ZNF208: variants seen among roughly 807,000 people sequenced by gnomAD.
The protein encoded by ZNF208 is zinc finger protein 95.
ZNF208 carries 10 observed loss-of-function variants against 12.1 expected under a neutral mutation model. The observed-to-expected ratio is 0.83, with a 90% CI of 0.51 to 1.40. The LOEUF (loss-of-function observed/expected upper bound fraction) is 1.40. Ranked by LOEUF, ZNF208 falls within the 40% of genes most tolerant of loss-of-function variation. The pLI is 0.00. For missense variants in ZNF208, 1,652 were observed against 1,485.0 expected (o/e 1.11, Z -1.85); for synonymous variants, 497 against 488.4 (o/e 1.02, Z -0.23).
intron 1 of ZNF208, among the ~76,000 whole-genome samples, chr19:22,001,914 A>G (rs1436245674): frequency 1.4e-5 from 2 of 147,374 alleles, no homozygotes; most frequent in African/African-American, 5.0e-5. Flanking sequence ...AAAAAAAAAA[A>G]AAAAAAAGAA....
At chr19:21,953,059 G>T (rs1386316793) in intron 4 of ZNF208, among the ~76,000 whole-genome samples, 1 of 152,090 alleles carries the variant, frequency 6.6e-6, no homozygotes, top group African/African-American at 2.4e-5. Context: ...CGGAAGAAAG[G>T]GTACCAGTGA....
rs1970167372 is a variant in ZNF208 at position 21,966,393 on chromosome 19, G to A, written c.*4798C>T. The A allele has an allele frequency of 6.6e-6, 1 of 152,096 alleles. No homozygotes were observed. Among genetic ancestry groups the A allele is most frequent in the African/African-American group, 2.4e-5 (1 of 41,444 alleles). 9.4% of individuals were successfully genotyped at this position (152,096 alleles called of 1,614,324 possible). ...TCTGATGCAATAATTTGCTTAGAAT[G>A]GCCTGAAGCAGAGCTGCATTCATGT... On this transcript the variant is annotated 3_prime_UTR_variant, in exon 4 of 4. Transcript: ENST00000397126.
rs376229163 is a variant in ZNF208 at position 21,941,194 on chromosome 19, C to T, written c.306-7957G>A. On this transcript the variant is annotated intron_variant, in intron 4 of 4. Coordinates refer to the ZNF208 transcript ENST00000599916. ...CTGGAGCGGCTGAGGGTGAAGCTGC[C>T]CAAACTCCTCAAAGTGGAGCAGCAA... 60 of 396,388 alleles carry T rather than the reference C, an allele frequency of 1.5e-4. No homozygotes were observed. In the South Asian group the frequency reaches 4.8e-3, roughly 32 times the overall value. The allele number at this position is 396,388 out of a possible 1,614,324, so 24.6% of individuals were successfully genotyped here. A position where few individuals can be genotyped will look rare whatever the true frequency, so the allele number is the denominator to read the frequency against.
At position 21,969,942 on chromosome 19, in the gene ZNF208, C is replaced by A. The variant is rs1252038419; in HGVS notation, c.*1249G>T. On this transcript the variant is annotated 3_prime_UTR_variant, in exon 4 of 4. Transcript: ENST00000397126. ...TTTTCCAGACAGTCTCTCTCTGTTG[C>A]CCAGGCTAGTGTAAATGCTTTCCTT... Among the ~76,000 whole-genome samples, 1 of 152,072 alleles carries A rather than the reference C, an allele frequency of 6.6e-6. No individual in the cohort carries two copies. Among genetic ancestry groups the A allele is most frequent in the African/African-American group, 2.4e-5 (1 of 41,412 alleles).
At position 21,966,309 on chromosome 19, in the gene ZNF208, T is replaced by G. The variant is rs896064072; in HGVS notation, c.*4882A>C. ...AGTGTTTATTGTTTTCATCTTTGTT[T>G]CCATGTGCGCCCAATTTTTAGCATC... On this transcript the variant is annotated 3_prime_UTR_variant, in exon 4 of 4. Transcript: ENST00000397126. The G allele has an allele frequency of 6.6e-6, 1 of 152,104 alleles. No individual in the cohort carries two copies. Among genetic ancestry groups the G allele is most frequent in the African/African-American group, 2.4e-5 (1 of 41,440 alleles). The allele number at this position is 152,104 out of a possible 1,614,324, so 9.4% of individuals were successfully genotyped here. A position where few individuals can be genotyped will look rare whatever the true frequency, so the allele number is the denominator to read the frequency against.
intron 4 of ZNF208, among the ~76,000 whole-genome samples, chr19:21,956,847 A>T (rs1969986385): frequency 2.0e-5 from 3 of 152,082 alleles, no homozygotes; most frequent in Admixed American, 1.3e-4. Flanking sequence ...CCACTGTCCA[A>T]CAAGCCCCAG....
rs781415667 is a variant in ZNF208 at position 21,972,623 on chromosome 19, G to A, written c.2411C>T (p.Pro804Leu). The A allele has an allele frequency of 6.2e-7, 1 of 1,613,092 alleles. No individual in the cohort carries two copies. Among genetic ancestry groups the A allele is most frequent in the Non-Finnish European group, 8.5e-7 (1 of 1,179,828 alleles). Residue 804 changes from proline (P) to leucine (L), a missense_variant, in exon 4 of 4, where the codon CCC (proline) becomes CTC (leucine). Physicochemically the swap from Pro to Leu is moderately conservative, Grantham distance 98. Around this residue, in one of 3 missense-constraint regions of ZNF208, gnomAD observed 1,239 missense variants for 1,086.2 expected, o/e 1.14. Transcript: ENST00000397126. ...KHKRIHTDEK[P>L]YKCEECGKTF... ...TTTGCCACATTCTTCACATTTGTAG[G>A]GTTTCTCATCAGTATGAATTCTCTT...
At chr19:21,984,292 T>A (rs1970595764) in intron 3 of ZNF208, among the ~76,000 whole-genome samples, 1 of 152,160 alleles carries the variant, frequency 6.6e-6, no homozygotes, top group Non-Finnish European at 1.5e-5. Flanking sequence ...CGGTGGCTCA[T>A]GCCTGTAATC....
rs1007091354 is a variant in ZNF208, at chr19:21,972,307, T to G, written c.2727A>C (p.Val909=). 3 of 1,613,706 alleles carry G rather than the reference T, an allele frequency of 1.9e-6. No homozygotes were observed. The highest frequency in any genetic ancestry group is 2.5e-6 in the Non-Finnish European group (3 of 1,179,892). ...TGTAGGGTTTCTCTCCAGTATGAAT[T>G]ACCTCATGTTTAGTAAGGATGGAGA... ...SMFSILTKHE[V]IHTGEKPYKC... is the part of the protein sequence containing the mutation. Residue 909 remains valine (V), a synonymous_variant, in exon 4 of 4, where the codon GTA becomes GTC. Transcript: ENST00000397126.
intron 3 of ZNF208, among the ~76,000 whole-genome samples, chr19:21,975,594 A>G (rs1466800850): frequency 6.6e-6 from 1 of 152,130 alleles, no homozygotes; most frequent in African/African-American, 2.4e-5. Context: ...ATTAAAATCT[A>G]TACAATATAG....
At chr19:21,991,260 ATTATT>A (rs1970728475) in intron 1 of ZNF208, among the ~76,000 whole-genome samples, 1 of 152,154 alleles carries the variant, frequency 6.6e-6, no homozygotes, top group Non-Finnish European at 1.5e-5. Context: ...GATAGCTCTT[ATTATT>A]TTGAGATGCA....
chr19:22,003,973 G>T (rs1971000523), intron 1 of ZNF208, among the ~76,000 whole-genome samples: 1 of 151,750 alleles, frequency 6.6e-6, no homozygotes, highest in Admixed American at 6.6e-5. Flanking sequence ...GTTTGAGACA[G>T]GCATGGACAA....
chr19:21,987,805 A>C (rs1412349366), intron 2 of ZNF208, among the ~76,000 whole-genome samples: 1 of 152,106 alleles, frequency 6.6e-6, no homozygotes, highest in Non-Finnish European at 1.5e-5. Context: ...CCTCCCTTTC[A>C]CCATTTCACC....
rs1482915813 is a variant in ZNF208, at chr19:21,967,220, T to G, written c.*3971A>C. The G allele has an allele frequency of 4.0e-5, 6 of 150,986 alleles. No individual in the cohort carries two copies. The highest frequency in any genetic ancestry group is 1.2e-4 in the African/African-American group (5 of 41,114). 9.4% of individuals were successfully genotyped at this position (150,986 alleles called of 1,614,324 possible). A position where few individuals can be genotyped will look rare whatever the true frequency, so the allele number is the denominator to read the frequency against. On this transcript the variant is annotated 3_prime_UTR_variant, in exon 4 of 4. Transcript: ENST00000397126. The stretch of plus-strand genomic sequence containing the variant: ...AAGTCTTTAATCTATATTGAGTTGT[T>G]TTTTTTTTATAGAAAAAGGTAGTAC...
chr19:21,979,839 G>C (rs552190388), intron 3 of ZNF208, among the ~76,000 whole-genome samples: 24 of 152,178 alleles, frequency 1.6e-4, no homozygotes, highest in Middle Eastern at 3.4e-3. Context: ...TCCATCTCAC[G>C]TGCAAAGACA....
intron 4 of ZNF208, among the ~76,000 whole-genome samples, chr19:21,945,373 G>A (rs1425972268): frequency 1.3e-5 from 2 of 152,028 alleles, no homozygotes; most frequent in African/African-American, 4.8e-5. Context: ...TTTGTCTCTT[G>A]TTTAAATTTT....
In ZNF208 at chr19:21,966,218, T is replaced by C. The variant is rs1291477142; in HGVS notation, c.*4973A>G. ...TAATAATTCCATTGCCCAAGTAGTGTACATCATACCTAAGCAGATTTTCTA... is the reference window on the plus strand; with the variant it reads ...TAATAATTCCATTGCCCAAGTAGTGCACATCATACCTAAGCAGATTTTCTA... On this transcript the variant is annotated 3_prime_UTR_variant, in exon 4 of 4. Transcript: ENST00000397126. The C allele has an allele frequency of 6.6e-6, 1 of 152,152 alleles. No individual in the cohort carries two copies. Among genetic ancestry groups the C allele is most frequent in the Non-Finnish European group, 1.5e-5 (1 of 68,004 alleles). 9.4% of individuals were successfully genotyped at this position (152,152 alleles called of 1,614,324 possible).
rs1463423372 is a variant in ZNF208, at chr19:21,973,838, C to T, written c.1196G>A (p.Cys399Tyr). Residue 399 changes from cysteine to tyrosine, a missense_variant, in exon 4 of 4, where the codon TGT (cysteine) becomes TAT (tyrosine). Cys to Tyr is a radical substitution (Grantham distance 194, BLOSUM62 -2). This residue lies in a region of ZNF208 where 1,239 missense variants were observed against 1,086.2 expected (regional missense o/e 1.14). Coordinates refer to ENST00000397126, the MANE Select transcript of ZNF208 (RefSeq NM_007153.3). ...KIHTGEKPYK[C>Y]EECGKGFSMF... The stretch of plus-strand genomic sequence containing the variant: ...ACTAAAACCTTTGCCACATTCTTCA[C>T]ATTTGTAGGGTTTCTCTCCAGTATG... 6.8e-6 allele frequency: 11 copies of T among 1,613,426 alleles called. No homozygotes were observed. The South Asian group carries it at 1.1e-4, about 16-fold the overall frequency.
Position 21,971,558 on chromosome 19 carries a change from T to A in ZNF208, c.3476A>T (p.His1159Leu), listed in dbSNP as rs527278333. ...AYKWSSTLSY[H>L]KKIHTVEKPY... ...TTTCTCTACAGTATGAATTTTCTTA[T>A]GATAACTAAGGGTTGAGGACCACTT... The change falls in exon 4 of 4, where the codon CAT becomes CTT. Residue 1159 changes from histidine (H) to leucine (L), a missense_variant. This residue lies in a region of ZNF208 where 1,239 missense variants were observed against 1,086.2 expected (regional missense o/e 1.14). Coordinates refer to ENST00000397126, the MANE Select transcript of ZNF208 (RefSeq NM_007153.3). 6.2e-6 allele frequency: 10 copies of A among 1,611,026 alleles called. No homozygotes were observed. Among genetic ancestry groups the A allele is most frequent in the Admixed American group, 1.7e-5 (1 of 59,836 alleles).
Sources: gnomAD v4.1 joint callset for allele counts (sites outside exome capture counted in the v4.1 genomes callset) on GRCh38, gnomAD v4.1.1 for gene constraint, gnomAD v4.1.1 regional missense constraint, MANE v1.5 for transcripts, NCBI Gene and HGNC (gene_info 2026-07-23, HGNC 2026-07-21) for gene names.